SEPTIN10: variants seen among roughly 807,000 people sequenced by gnomAD.
The protein encoded by SEPTIN10 is septin-10.
A neutral mutation model predicts 54.8 loss-of-function variants in SEPTIN10; 66 were observed. The ratio of observed to expected loss-of-function variants is 1.21; its 90% confidence interval spans 0.99 to 1.48. The LOEUF (loss-of-function observed/expected upper bound fraction) is 1.48, where lower values mean the gene tolerates loss of function less well. Among genes scored for constraint, SEPTIN10 ranks in the 40% most tolerant of loss-of-function variants. The pLI is 0.00. For synonymous variants in SEPTIN10, 161 were observed against 181.0 expected (o/e 0.89, Z 0.89); for missense variants, 620 against 545.6 (o/e 1.14, Z -1.36).
intron 6 of SEPTIN10, among the ~76,000 whole-genome samples, chr2:109,567,376 T>C (rs1687278576): frequency 6.6e-6 from 1 of 152,220 alleles, no homozygotes; most frequent in African/African-American, 2.4e-5. Context: ...AAAAGTTATA[T>C]GAATGTAACT....
At chr2:109,571,286 C>T (rs1402750131) in intron 5 of SEPTIN10, among the ~76,000 whole-genome samples, 2 of 152,134 alleles carry the variant, frequency 1.3e-5, no homozygotes, top group African/African-American at 4.8e-5. Flanking sequence ...CGAGAACGGA[C>T]TAATAAACAT....
chr2:109,593,890 A>G (rs1161497759), intron 1 of SEPTIN10, among the ~76,000 whole-genome samples: 2 of 152,212 alleles, frequency 1.3e-5, no homozygotes, highest in African/African-American at 4.8e-5. Flanking sequence ...AACTCATATT[A>G]CACGTCCATA....
intron 9 of SEPTIN10, 40 bp from the exon 10 acceptor site, chr2:109,546,277 G>C (rs766619374): frequency 1.5e-6 from 2 of 1,358,984 alleles, no homozygotes; most frequent in Admixed American, 2.5e-5. Context: ...GACACAGCGC[G>C]GCAGCAGAGG....
At chr2:109,550,000 C>T (rs972112013) in intron 9 of SEPTIN10, among the ~76,000 whole-genome samples, 2 of 152,032 alleles carry the variant, frequency 1.3e-5, no homozygotes, top group Non-Finnish European at 1.5e-5. Flanking sequence ...TTTAAGGACA[C>T]GACACATTCT....
rs142802270 is a variant in SEPTIN10 at position 109,600,842 on chromosome 2, C to A, written c.31-7723G>T. ...GCTAGAAATCAGGGTCCCCACAACC[C>A]CCATCTCGGGTTCAATTAATTTGTT... On this transcript the variant is annotated intron_variant, in intron 1 of 10. Transcript: ENST00000397712. Among the ~76,000 whole-genome samples, 586 of 152,346 alleles carry A rather than the reference C, an allele frequency of 3.8e-3. 2 individuals are homozygous for A. The highest frequency in any genetic ancestry group is 0.013 in the African/African-American group (555 of 41,576).
chr2:109,590,556 C>G (rs1248158378), intron 2 of SEPTIN10, among the ~76,000 whole-genome samples: 1 of 152,008 alleles, frequency 6.6e-6, no homozygotes, highest in Non-Finnish European at 1.5e-5. Context: ...CTCAGCCTCT[C>G]GAGCAGCTAG....
Position 109,613,834 on chromosome 2 carries a change from G to A in SEPTIN10, c.-7C>T. 2.4e-6 allele frequency: 3 copies of A among 1,237,456 alleles called. No individual in the cohort carries two copies. Among genetic ancestry groups the A allele is most frequent in the East Asian group, 3.2e-5 (1 of 31,562 alleles). 76.7% of individuals were successfully genotyped at this position (1,237,456 alleles called of 1,614,324 possible). ...CCACCTCGGAGGAGGCCATGGTCGC[G>A]GGCAGGGGCACGGTGAAGCGGCTGT... is the stretch of plus-strand genomic sequence containing the variant. On this transcript the variant is annotated 5_prime_UTR_variant, in exon 1 of 11. Transcript: ENST00000397712.
At chr2:109,549,743 T>A (rs1385937037) in intron 9 of SEPTIN10, among the ~76,000 whole-genome samples, 1 of 152,182 alleles carries the variant, frequency 6.6e-6, no homozygotes, top group Non-Finnish European at 1.5e-5. Context: ...TTTTTTCCTA[T>A]ATATAGACAC....
At chr2:109,589,177 CTG>C (rs1381074248) in intron 2 of SEPTIN10, among the ~76,000 whole-genome samples, 1 of 151,976 alleles carries the variant, frequency 6.6e-6, no homozygotes, top group East Asian at 1.9e-4. Context: ...GAGTCTCACT[CTG>C]TCACCCAGGC....
At chr2:109,567,698 C>A in intron 6 of SEPTIN10, 117 bp downstream of exon 6, 3 of 1,049,874 alleles carry the variant, frequency 2.9e-6, no homozygotes, top group Non-Finnish European at 2.6e-6. Flanking sequence ...GAAAATTCAC[C>A]TTGTTTGAAG....
rs1277181233 is a variant in SEPTIN10 at position 109,613,858 on chromosome 2, G to A, written c.-31C>T. 6.5e-6 allele frequency: 8 copies of A among 1,233,776 alleles called. No individual in the cohort carries two copies. Among genetic ancestry groups the A allele is most frequent in the Non-Finnish European group, 5.1e-6 (5 of 989,784 alleles). The allele number at this position is 1,233,776 out of a possible 1,614,324, so 76.4% of individuals were successfully genotyped here. A position where few individuals can be genotyped will look rare whatever the true frequency, so the allele number is the denominator to read the frequency against. On this transcript the variant is annotated 5_prime_UTR_variant, in exon 1 of 11. Transcript: ENST00000397712. ...CGGGCAGGGGCACGGTGAAGCGGCTGTATCAGCCCGGCCCCGAGCGGCTGG... is the reference window on the plus strand; with the variant it reads ...CGGGCAGGGGCACGGTGAAGCGGCTATATCAGCCCGGCCCCGAGCGGCTGG...
At position 109,613,857 on chromosome 2, in the gene SEPTIN10, T is replaced by C. The variant is rs1414576821; in HGVS notation, c.-30A>G. On this transcript the variant is annotated 5_prime_UTR_variant, in exon 1 of 11. Coordinates refer to ENST00000397712, the MANE Select transcript of SEPTIN10 (RefSeq NM_144710.5). ...GCGGGCAGGGGCACGGTGAAGCGGC[T>C]GTATCAGCCCGGCCCCGAGCGGCTG... 8.1e-7 allele frequency: 1 copy of C among 1,233,224 alleles called. No individual in the cohort carries two copies. The highest frequency in any genetic ancestry group is 1.6e-5 in the African/African-American group (1 of 64,236). 76.4% of individuals were successfully genotyped at this position (1,233,224 alleles called of 1,614,324 possible). A position where few individuals can be genotyped will look rare whatever the true frequency, so the allele number is the denominator to read the frequency against.
chr2:109,546,497 T>C (rs922583635), intron 9 of SEPTIN10, among the ~76,000 whole-genome samples: 20 of 151,920 alleles, frequency 1.3e-4, no homozygotes, highest in African/African-American at 4.8e-4. Flanking sequence ...TGTGAACTTT[T>C]CCTAGAGTTT....
intron 8 of SEPTIN10, among the ~76,000 whole-genome samples, chr2:109,563,272 A>T (rs1046155653): frequency 6.6e-6 from 1 of 152,218 alleles, no homozygotes; most frequent in Non-Finnish European, 1.5e-5. Context: ...AATTAACTCC[A>T]TAGACTGAAG....
chr2:109,604,967 A>C (rs936203876), intron 1 of SEPTIN10: 3 of 152,236 alleles, frequency 2.0e-5, no homozygotes, highest in African/African-American at 7.2e-5. Context: ...GAGAGGAATC[A>C]GCACAGGTTT....
In SEPTIN10 at chr2:109,593,089, T is replaced by C. The variant is rs976750536; in HGVS notation, c.61A>G (p.Thr21Ala). The C allele has an allele frequency of 6.2e-7, 1 of 1,600,678 alleles. No homozygotes were observed. The highest frequency in any genetic ancestry group is 8.5e-7 in the Non-Finnish European group (1 of 1,174,358). Residue 21 changes from threonine to alanine, a missense_variant, in exon 2 of 11, where the codon ACT becomes GCT. Coordinates refer to ENST00000397712, the MANE Select transcript of SEPTIN10 (RefSeq NM_144710.5). ...TCTGATCCTTGTGAAGACATACAAG[T>C]TGTTTTCGTTGCCATGTGAGACTGA... is the stretch of plus-strand genomic sequence containing the variant. ...LFQSHMATKT[T>A]CMSSQGSDDE...
rs192464207 is a variant in SEPTIN10 at position 109,565,803 on chromosome 2, C to G, written c.819G>C (p.Lys273Asn). The G allele has an allele frequency of 1.2e-6, 2 of 1,614,106 alleles. No individual in the cohort carries two copies. The highest frequency in any genetic ancestry group is 4.5e-5 in the East Asian group (2 of 44,874). ...AAGGGTACTGGCGAGCTTTGACCAT[C>G]TTGTTTCCGACTTTTACCTCATCCA... Reference protein sequence around the residue: ...GSMDEVKVGNKMVKARQYPWG... With the variant: ...GSMDEVKVGNNMVKARQYPWG... The change falls in exon 7 of 11, where the codon AAG (lysine) becomes AAC (asparagine). Residue 273 changes from lysine (K) to asparagine (N), a missense_variant. Lys to Asn is a moderately conservative substitution (Grantham distance 94). Transcript: ENST00000397712.
At chr2:109,545,712 C>CTAAT (rs1421199089) in intron 10 of SEPTIN10, 30 of 1,453,308 alleles carry the variant, frequency 2.1e-5, no homozygotes, top group Middle Eastern at 2.5e-4. Flanking sequence ...GGTCAGCAGC[C>CTAAT]ATTAGCTGTG....
intron 8 of SEPTIN10, among the ~76,000 whole-genome samples, chr2:109,555,917 C>T (rs560492124): frequency 6.6e-6 from 1 of 152,242 alleles, no homozygotes; most frequent in African/African-American, 2.4e-5. Context: ...TGCCAAACTC[C>T]CCAGTTAGAA....
Sources: gnomAD v4.1 joint callset for allele counts (sites outside exome capture counted in the v4.1 genomes callset) on GRCh38, gnomAD v4.1.1 for gene constraint, MANE v1.5 for transcripts, NCBI Gene and HGNC (gene_info 2026-07-23, HGNC 2026-07-21) for gene names.